IL1RAPL1: variants seen among roughly 807,000 people sequenced by gnomAD.
IL1RAPL1 encodes interleukin-1 receptor accessory protein-like 1.
In IL1RAPL1, 3 loss-of-function variants were observed where a neutral mutation model predicts 48.4. The observed-to-expected ratio is 0.06, with a 90% CI of 0.03 to 0.16. The LOEUF (loss-of-function observed/expected upper bound fraction) is 0.16. Ranked by LOEUF, IL1RAPL1 falls within the 10% of genes least tolerant of loss-of-function variation. The pLI, the probability that IL1RAPL1 is intolerant of heterozygous loss-of-function variation, is 1.00. For missense variants in IL1RAPL1, 349 were observed against 530.6 expected, an observed-to-expected ratio of 0.66 and a Z score of 3.36; for synonymous variants, 185 against 187.7, an observed-to-expected ratio of 0.99 and a Z score of 0.12.
chrX:29,950,281 C>A (rs1465011272), intron 9 of IL1RAPL1, among the ~76,000 whole-genome samples: 1 of 112,093 alleles, frequency 8.9e-6, no homozygotes, highest in African/African-American at 3.2e-5. Flanking sequence ...AAAAATTTAT[C>A]CCCTTTTTGA....
At chrX:28,920,987 AC>A (rs370427116) in intron 2 of IL1RAPL1, among the ~76,000 whole-genome samples, 10 of 111,547 alleles carry the variant, frequency 9.0e-5, no homozygotes, top group South Asian at 3.8e-4. Flanking sequence ...ATAGGATACT[AC>A]CTTTTTATTG....
chrX:29,419,324 A>AT (rs759666742), intron 5 of IL1RAPL1, among the ~76,000 whole-genome samples: 57 of 105,453 alleles, frequency 5.4e-4, no homozygotes, highest in South Asian at 8.2e-4. Flanking sequence ...TACTCAGATA[A>AT]TTTTTTTTTT....
chrX:29,226,550 A>G (rs1405195613), intron 2 of IL1RAPL1, among the ~76,000 whole-genome samples: 1 of 99,976 alleles, frequency 1.0e-5, no homozygotes, highest in African/African-American at 3.8e-5. Context: ...TTCCTTCCTT[A>G]GCCTCCCGAG....
chrX:29,144,306 G>A (rs1929302081), intron 2 of IL1RAPL1, among the ~76,000 whole-genome samples: 1 of 110,724 alleles, frequency 9.0e-6, no homozygotes, highest in Non-Finnish European at 1.9e-5. Flanking sequence ...TTAAAGGTAG[G>A]AAAATAAAGA....
At chrX:29,793,710 T>G (rs138501385) in intron 6 of IL1RAPL1, among the ~76,000 whole-genome samples, 3,254 of 112,234 alleles carry the variant, frequency 0.029, 98 homozygotes, top group African/African-American at 0.1. Context: ...CAATAAATAT[T>G]TAGTCAATGA....
intron 5 of IL1RAPL1, among the ~76,000 whole-genome samples, chrX:29,410,176 G>C (rs1049898484): frequency 9.1e-6 from 1 of 109,828 alleles, no homozygotes; most frequent in Admixed American, 9.7e-5. Context: ...AATTTTTCCA[G>C]TGCTCGCCAG....
intron 5 of IL1RAPL1, among the ~76,000 whole-genome samples, chrX:29,614,890 A>G (rs145304007): frequency 0.11 from 12,512 of 109,798 alleles, 954 homozygotes; most frequent in African/African-American, 0.26. Context: ...AACCCGGGAG[A>G]CGGAGCTTGC....
At chrX:28,844,426 G>C (rs1347137446) in intron 2 of IL1RAPL1, among the ~76,000 whole-genome samples, 2 of 108,849 alleles carry the variant, frequency 1.8e-5, no homozygotes, top group Non-Finnish European at 3.8e-5. Context: ...TTGGAACCCT[G>C]CTATCAACAG....
intron 2 of IL1RAPL1, among the ~76,000 whole-genome samples, chrX:29,122,608 T>C (rs1928818939): frequency 9.0e-6 from 1 of 110,521 alleles, no homozygotes; most frequent in Non-Finnish European, 1.9e-5. Context: ...TTTAACAAAA[T>C]TGGGCAATAT....
intron 1 of IL1RAPL1, among the ~76,000 whole-genome samples, chrX:28,707,764 C>A (rs920139650): frequency 9.0e-6 from 1 of 111,654 alleles, no homozygotes; most frequent in Non-Finnish European, 1.9e-5. Context: ...AACTACTAAT[C>A]TGAGCTGATG....
chrX:29,634,249 T>C (rs961719506), intron 5 of IL1RAPL1, among the ~76,000 whole-genome samples: 1 of 111,709 alleles, frequency 9.0e-6, no homozygotes, highest in African/African-American at 3.3e-5. Flanking sequence ...ACATAGTAAA[T>C]TTGGTTAACA....
At chrX:29,871,234 G>C (rs1033003924) in intron 6 of IL1RAPL1, among the ~76,000 whole-genome samples, 2 of 111,959 alleles carry the variant, frequency 1.8e-5, no homozygotes. Flanking sequence ...GACCCACCAG[G>C]AAAGTCTCCC....
chrX:29,901,586 AT>A (rs1190537448), intron 6 of IL1RAPL1, among the ~76,000 whole-genome samples: 2 of 110,571 alleles, frequency 1.8e-5, no homozygotes, highest in Non-Finnish European at 3.8e-5. Flanking sequence ...TCATATTCCA[AT>A]TTTCCCCCCA....
chrX:29,201,773 C>T (rs1002081568), intron 2 of IL1RAPL1, among the ~76,000 whole-genome samples: 2 of 109,709 alleles, frequency 1.8e-5, no homozygotes, highest in Non-Finnish European at 3.8e-5. Flanking sequence ...CTCGCGGCAA[C>T]CTCCGCCTCG....
At chrX:29,480,539 C>T (rs1045661265) in intron 5 of IL1RAPL1, among the ~76,000 whole-genome samples, 1 of 110,042 alleles carries the variant, frequency 9.1e-6, no homozygotes, top group Non-Finnish European at 1.9e-5. Flanking sequence ...GCACTTTTGC[C>T]TTTCATTGAT....
At chrX:29,604,158 A>G (rs2147063765) in intron 5 of IL1RAPL1, among the ~76,000 whole-genome samples, 1 of 112,381 alleles carries the variant, frequency 8.9e-6, no homozygotes, top group South Asian at 3.6e-4. Flanking sequence ...AAAGATGTAC[A>G]AATGATTGAG....
intron 6 of IL1RAPL1, among the ~76,000 whole-genome samples, chrX:29,750,149 T>C (rs1928424256): frequency 8.9e-6 from 1 of 112,327 alleles, no homozygotes. Flanking sequence ...GAAATTATCT[T>C]TTCTTTCTTA....
intron 6 of IL1RAPL1, among the ~76,000 whole-genome samples, chrX:29,724,693 G>A (rs1048843089): frequency 1.8e-5 from 2 of 111,829 alleles, no homozygotes; most frequent in Non-Finnish European, 1.9e-5. Flanking sequence ...TTAACAGCAC[G>A]TTGAAAAACA....
intron 1 of IL1RAPL1, among the ~76,000 whole-genome samples, chrX:28,724,195 G>A (rs1020573944): frequency 7.2e-5 from 8 of 111,361 alleles, no homozygotes; most frequent in Admixed American, 1.9e-4. Flanking sequence ...ACAGTGCAGC[G>A]TTAAAGTCAC....
Sources: gnomAD v4.1 joint callset for allele counts (sites outside exome capture counted in the v4.1 genomes callset) on GRCh38, gnomAD v4.1.1 for gene constraint, MANE v1.5 for transcripts, NCBI Gene and HGNC (gene_info 2026-07-23, HGNC 2026-07-21) for gene names.